The following NOTCH1 variants were observed in gnomAD, a reference collection of about 807,000 sequenced individuals.
The protein encoded by NOTCH1 is neurogenic locus notch homolog protein 1.
NOTCH1 carries 37 observed loss-of-function variants against 254.8 expected under a neutral mutation model. The observed-to-expected ratio is 0.15, with a 90% CI of 0.11 to 0.19. The LOEUF (loss-of-function observed/expected upper bound fraction) is 0.19, where lower values mean the gene tolerates loss of function less well. NOTCH1 is among the 10% of genes least tolerant of loss of function. NOTCH1 has a pLI of 1.00. For missense variants in NOTCH1, 2,972 were observed against 3,708.6 expected, an observed-to-expected ratio of 0.80 and a Z score of 5.16; for synonymous variants, 1,731 against 1,618.1, an observed-to-expected ratio of 1.07 and a Z score of -1.68.
In NOTCH1 at chr9:136,545,386, G is replaced by A. The variant is rs935771964; in HGVS notation, c.61+340C>T. On this transcript the variant is annotated intron_variant, in intron 1 of 33. Transcript: ENST00000651671. This position sits in a 1 kb window ranked among gnomAD's most constrained non-coding sequence, Gnocchi z 6.8. ...ACTCTATTCAAATCGAAAAATAGTA[G>A]GCAGCCCGCCCGCCCGGCCGACCGG... is the stretch of plus-strand genomic sequence containing the variant. Among the ~76,000 whole-genome samples, 1 of 152,044 alleles carries A rather than the reference G, an allele frequency of 6.6e-6. No homozygotes were observed. The highest frequency in any genetic ancestry group is 1.5e-5 in the Non-Finnish European group (1 of 67,986).
chr9:136,509,770 T>G lies in NOTCH1; in HGVS notation c.2932A>C (p.Ile978Leu), dbSNP rs1305060821. The change falls in exon 18 of 34, where the codon ATC (isoleucine) becomes CTC (leucine). Residue 978 changes from isoleucine (I) to leucine (L), a missense_variant. Ile to Leu is a conservative substitution (Grantham distance 5). Around this residue, in one of 8 missense-constraint regions of NOTCH1, gnomAD observed 1,343 missense variants for 1,557.0 expected, o/e 0.86. Transcript: ENST00000651671. Reference protein sequence around the residue: ...TCTCPAGFSGIHCENNTPDCT... With the variant: ...TCTCPAGFSGLHCENNTPDCT... Reference sequence around the variant, plus strand: ...TCAGGCGTGTTGTTCTCACAGTGGATCCCGCTGAAGCCTGCGGGGCAGGTG... The same window carrying G: ...TCAGGCGTGTTGTTCTCACAGTGGAGCCCGCTGAAGCCTGCGGGGCAGGTG... 6.2e-7 allele frequency: 1 copy of G among 1,613,040 alleles called. No homozygotes were observed. Among genetic ancestry groups the G allele is most frequent in the East Asian group, 2.2e-5 (1 of 44,882 alleles).
Position 136,526,152 on chromosome 9 carries a change from G to A in NOTCH1, c.141-2173C>T, listed in dbSNP as rs1056616239. Reference sequence around the variant, plus strand: ...GCGGGCACCTGTTGGGAGGGCAGACGTGGTTCCCACTGCATGCAGATCCAG... The same window carrying A: ...GCGGGCACCTGTTGGGAGGGCAGACATGGTTCCCACTGCATGCAGATCCAG... On this transcript the variant is annotated intron_variant, in intron 2 of 33. Transcript: ENST00000651671. Among the ~76,000 whole-genome samples the A allele has an allele frequency of 1.5e-4, 23 of 152,362 alleles. 1 individual carries two copies. The East Asian group carries it at 1.9e-3, about 13-fold the overall frequency.
rs769990575 is a variant in NOTCH1, at chr9:136,503,346, G to A, written c.5019-16C>T. 6.2e-7 allele frequency: 1 copy of A among 1,612,472 alleles called. No individual in the cohort carries two copies. The highest frequency in any genetic ancestry group is 1.7e-5 in the Admixed American group (1 of 60,016). On this transcript the variant is annotated splice_polypyrimidine_tract_variant and intron_variant, in intron 26 of 33. Transcript: ENST00000651671. Reference sequence around the variant, plus strand: ...GACGATGGAGCTGGGCGGACAATCAGAGAGGGGCTGGGACCCGAGGCTTCC... The same window carrying A: ...GACGATGGAGCTGGGCGGACAATCAAAGAGGGGCTGGGACCCGAGGCTTCC...
intron 12 of NOTCH1, 86 bp from the exon 13 acceptor site, chr9:136,514,788 G>A (rs1252188231): frequency 8.2e-6 from 11 of 1,349,286 alleles, no homozygotes; most frequent in East Asian, 2.5e-5. Flanking sequence ...CTGTTGAGCC[G>A]GGGCGATCAC....
At chr9:136,537,856 G>A (rs1263248678) in intron 2 of NOTCH1, among the ~76,000 whole-genome samples, 1 of 152,172 alleles carries the variant, frequency 6.6e-6, no homozygotes, top group African/African-American at 2.4e-5. Flanking sequence ...ACTTTGAGAG[G>A]CCAAGGCAGG....
intron 15 of NOTCH1, among the ~76,000 whole-genome samples, chr9:136,512,299 C>T (rs539732887): frequency 2.0e-5 from 3 of 152,340 alleles, no homozygotes; most frequent in South Asian, 4.1e-4. Flanking sequence ...GAACCGCAGG[C>T]GTGGGACCTC....
rs1322054624 is a variant in NOTCH1 at position 136,504,861 on chromosome 9, T to C, written c.4830A>G (p.Ala1610=). ...LHTNVVFKRD[A]HGQQMIFPYY... ...AGGGGAAGATCATCTGCTGGCCGTG[T>C]GCGTCACGCTTGAAGACCACGTTGG... The change falls in exon 26 of 34, where the codon GCA becomes GCG. Residue 1610 remains alanine (A), a synonymous_variant. Transcript: ENST00000651671. The C allele has an allele frequency of 1.3e-6, 2 of 1,582,694 alleles. No individual in the cohort carries two copies. Among genetic ancestry groups the C allele is most frequent in the Admixed American group, 1.8e-5 (1 of 55,138 alleles).
rs1322208657 is a variant in NOTCH1 at position 136,510,693 on chromosome 9, A to G, written c.2700T>C (p.Ser900=). The G allele has an allele frequency of 1.2e-6, 2 of 1,610,016 alleles. No individual in the cohort carries two copies. Among genetic ancestry groups the G allele is most frequent in the East Asian group, 2.2e-5 (1 of 44,862 alleles). Residue 900 remains serine, a synonymous_variant, in exon 17 of 34, where the codon AGT becomes AGC. Transcript: ENST00000651671. The part of the protein sequence containing the change: ...GYRCHCQAGY[S]GRNCETDIDD... The stretch of plus-strand genomic sequence containing the variant: ...CGATGTCGGTCTCGCAGTTGCGCCC[A>G]CTGTAGCCGGCCTGGCAGTGGCAGC...
chr9:136,544,586 C>T (rs900948606), intron 1 of NOTCH1, among the ~76,000 whole-genome samples: 1 of 151,720 alleles, frequency 6.6e-6, no homozygotes, highest in African/African-American at 2.4e-5. Context: ...CCACACTCAG[C>T]TCCCGCCCGT....
At position 136,512,977 on chromosome 9, in the gene NOTCH1, CAT is replaced by C. The variant is rs773107961; in HGVS notation, c.2467+42_2467+43del. ...TCCAGCACAGGTCCCGCCCCTCCCA[CAT>C]AGGCCCCGCCCCCTCCAGCACAGGC... is the stretch of plus-strand genomic sequence containing the variant. On this transcript the variant is annotated intron_variant, in intron 15 of 33. Coordinates refer to ENST00000651671, the MANE Select transcript of NOTCH1 (RefSeq NM_017617.5). 531 of 707,616 alleles carry C rather than the reference CAT, an allele frequency of 7.5e-4. 1 individual carries two copies. Among genetic ancestry groups the C allele is most frequent in the South Asian group, 1.0e-3 (67 of 65,914 alleles). 43.8% of individuals were successfully genotyped at this position (707,616 alleles called of 1,614,324 possible). A position where few individuals can be genotyped will look rare whatever the true frequency, so the allele number is the denominator to read the frequency against.
At chr9:136,503,521 C>T (rs1042627926) in intron 26 of NOTCH1, among the ~76,000 whole-genome samples, 191 bp from the exon 27 acceptor site, 8 of 152,202 alleles carry the variant, frequency 5.3e-5, no homozygotes, top group African/African-American at 1.4e-4. Flanking sequence ...CCCCCGACTC[C>T]GGCCAGTGCT....
intron 18 of NOTCH1, among the ~76,000 whole-genome samples, chr9:136,509,347 G>A (rs766581193): frequency 7.9e-5 from 12 of 152,240 alleles, no homozygotes; most frequent in South Asian, 2.1e-4. Flanking sequence ...AGTAAATGAG[G>A]GAGAAACCAG....
In NOTCH1 at chr9:136,540,728, G is replaced by C. The variant is rs1843721005; in HGVS notation, c.140+3296C>G. ...AGACACGAGGTTGTCCAAAGCTAAA[G>C]CGCACCACCCAGCAGGCAGCTGGAC... On this transcript the variant is annotated intron_variant, in intron 2 of 33. Transcript: ENST00000651671. This position sits in a 1 kb window ranked among gnomAD's most constrained non-coding sequence, Gnocchi z 4.4. Among the ~76,000 whole-genome samples, 1 of 152,064 alleles carries C rather than the reference G, an allele frequency of 6.6e-6. No individual in the cohort carries two copies. The highest frequency in any genetic ancestry group is 2.4e-5 in the African/African-American group (1 of 41,398).
chr9:136,513,041 T>C lies in NOTCH1; in HGVS notation c.2447A>G (p.Asn816Ser), dbSNP rs1413572803. ...CIDDVAGYKC[N>S]CLLPYTGATC... Reference sequence around the variant, plus strand: ...CTCACCTGTGTAGGGCAGCAGGCAGTTGCACTTGTACCCGGCAACGTCGTC... The same window carrying C: ...CTCACCTGTGTAGGGCAGCAGGCAGCTGCACTTGTACCCGGCAACGTCGTC... The change falls in exon 15 of 34, where the codon AAC (asparagine) becomes AGC (serine). Residue 816 changes from asparagine to serine, a missense_variant. Physicochemically the swap from Asn to Ser is conservative, Grantham distance 46 (BLOSUM62 1). Around this residue, in one of 8 missense-constraint regions of NOTCH1, gnomAD observed 1,343 missense variants for 1,557.0 expected, o/e 0.86. Coordinates refer to ENST00000651671, the MANE Select transcript of NOTCH1 (RefSeq NM_017617.5). The surrounding 1 kb of genome is among the most constrained non-coding windows in gnomAD (Gnocchi z 4.7). 1 of 1,576,660 alleles carries C rather than the reference T, an allele frequency of 6.3e-7. No individual in the cohort carries two copies. The highest frequency in any genetic ancestry group is 1.1e-5 in the South Asian group (1 of 90,544).
Position 136,505,683 on chromosome 9 carries a change from G to C in NOTCH1, c.4213C>G (p.Pro1405Ala), listed in dbSNP as rs1416597670. The C allele has an allele frequency of 6.2e-7, 1 of 1,610,180 alleles. No homozygotes were observed. ...NPCYNQGTCE[P>A]TSESPFYRCL... ...CGGTAGAAGGGGCTCTCGGATGTGG[G>C]CTCACAGGTCCCCTGGTTGTAGCAG... Residue 1405 changes from proline to alanine, a missense_variant, in exon 25 of 34, where the codon CCC becomes GCC. Around this residue, in one of 8 missense-constraint regions of NOTCH1, gnomAD observed 1,343 missense variants for 1,557.0 expected, o/e 0.86. Coordinates refer to ENST00000651671, the MANE Select transcript of NOTCH1 (RefSeq NM_017617.5).
chr9:136,498,338 C>A (rs1191089932), intron 33 of NOTCH1, among the ~76,000 whole-genome samples: 1 of 151,432 alleles, frequency 6.6e-6, no homozygotes, highest in Non-Finnish European at 1.5e-5. Flanking sequence ...CCAGGAGCTG[C>A]AGGGCCAGGA....
chr9:136,523,688 C>T (rs1843412763), intron 3 of NOTCH1, 29 bp downstream of exon 3: 2 of 1,582,822 alleles, frequency 1.3e-6, no homozygotes, highest in Non-Finnish European at 1.7e-6. Flanking sequence ...TGGGTCTGCC[C>T]ACCCCTCAGG....
At chr9:136,498,826 C>T (rs904154016) in intron 33 of NOTCH1, 73 bp downstream of exon 33, 9 of 1,551,862 alleles carry the variant, frequency 5.8e-6, no homozygotes, top group Non-Finnish European at 7.1e-6. Flanking sequence ...TCCCTGCGCC[C>T]CGTGGGTTTG....
rs1162461382 is a variant in NOTCH1, at chr9:136,494,814, A to G, written c.*1257T>C. 2.5e-6 allele frequency: 1 copy of G among 398,602 alleles called. No individual in the cohort carries two copies. The highest frequency in any genetic ancestry group is 2.1e-5 in the African/African-American group (1 of 48,630). 24.7% of individuals were successfully genotyped at this position (398,602 alleles called of 1,614,324 possible). On this transcript the variant is annotated 3_prime_UTR_variant, in exon 34 of 34. Transcript: ENST00000651671. The stretch of plus-strand genomic sequence containing the variant: ...AAACAAAATCCACCTTTAAAAACAT[A>G]TTTACAGACATTTTTTCTGCCATAG...
Sources: allele counts gnomAD v4.1 joint callset (sites outside exome capture counted in the v4.1 genomes callset), GRCh38; gene constraint gnomAD v4.1.1; regional missense constraint gnomAD v4.1.1; non-coding constraint Gnocchi (gnomAD v3.1); transcripts MANE v1.5; gene names NCBI Gene and HGNC (gene_info 2026-07-23, HGNC 2026-07-21).